IL1RAPL1: variants seen among roughly 807,000 people sequenced by gnomAD.
IL1RAPL1 encodes the protein interleukin 1 receptor accessory protein like 1.
Under a neutral mutation model 48.4 loss-of-function variants are expected in IL1RAPL1, and 3 were observed. That is an observed-to-expected ratio of 0.06 (90% CI 0.03 to 0.16). The LOEUF is 0.16. Ranked by LOEUF, IL1RAPL1 falls within the 10% of genes least tolerant of loss-of-function variation. The probability of loss-of-function intolerance (pLI) is 1.00; values close to 1 mark genes in which losing one functional copy is unlikely to be tolerated. For missense variants in IL1RAPL1, 349 were observed against 530.6 expected, an observed-to-expected ratio of 0.66 and a Z score of 3.36; for synonymous variants, 185 against 187.7, an observed-to-expected ratio of 0.99 and a Z score of 0.12.
chrX:29,737,586 A>G (rs1323213824), intron 6 of IL1RAPL1, among the ~76,000 whole-genome samples: 2 of 112,339 alleles, frequency 1.8e-5, no homozygotes, highest in Admixed American at 1.9e-4. Context: ...GAGATCTTCA[A>G]AATTTTACAC....
At chrX:29,068,120 A>T (rs2147438240) in intron 2 of IL1RAPL1, among the ~76,000 whole-genome samples, 1 of 112,393 alleles carries the variant, frequency 8.9e-6, no homozygotes, top group Admixed American at 9.5e-5. Flanking sequence ...TTGTTTTATT[A>T]AAGTAGATAA....
chrX:28,713,818 A>G (rs1351966937), intron 1 of IL1RAPL1, among the ~76,000 whole-genome samples: 1 of 111,813 alleles, frequency 8.9e-6, no homozygotes, highest in African/African-American at 3.3e-5. Flanking sequence ...ATATGACAAA[A>G]AAAGGTCTGT....
chrX:28,761,074 G>A (rs1170607898), intron 1 of IL1RAPL1, among the ~76,000 whole-genome samples: 2 of 90,511 alleles, frequency 2.2e-5, no homozygotes, highest in Non-Finnish European at 4.3e-5. Context: ...GCAACAGAGC[G>A]AGACTCCTTC....
chrX:29,681,025 G>A (rs1250997475), intron 6 of IL1RAPL1, among the ~76,000 whole-genome samples: 5 of 112,345 alleles, frequency 4.5e-5, no homozygotes, highest in African/African-American at 1.6e-4. Flanking sequence ...TCAACTTCAC[G>A]TAATATGAAT....
intron 2 of IL1RAPL1, among the ~76,000 whole-genome samples, chrX:29,191,250 T>C (rs1602104413): frequency 8.9e-6 from 1 of 112,103 alleles, no homozygotes; most frequent in Non-Finnish European, 1.9e-5. Flanking sequence ...AAAAATTAAA[T>C]AAATAAGCAC....
intron 2 of IL1RAPL1, among the ~76,000 whole-genome samples, chrX:28,881,945 G>A (rs1256039462): frequency 1.8e-5 from 2 of 110,297 alleles, no homozygotes; most frequent in African/African-American, 6.6e-5. Flanking sequence ...AGAAGAGAGA[G>A]ATGGACGGAC....
At chrX:29,404,901 TTTTGTTTG>T (rs1934036102) in intron 5 of IL1RAPL1, among the ~76,000 whole-genome samples, 1 of 77,053 alleles carries the variant, frequency 1.3e-5, no homozygotes, top group Non-Finnish European at 2.8e-5. Context: ...TATAGAATTT[TTTTGTTTG>T]TTTGTTTGTT....
At chrX:29,709,513 T>G (rs1423299428) in intron 6 of IL1RAPL1, among the ~76,000 whole-genome samples, 1 of 111,138 alleles carries the variant, frequency 9.0e-6, no homozygotes, top group Non-Finnish European at 1.9e-5. Context: ...TGTGTCTCTT[T>G]TTTTGTTTTG....
intron 1 of IL1RAPL1, among the ~76,000 whole-genome samples, chrX:28,737,320 G>T (rs186142232): frequency 1.9e-5 from 2 of 104,085 alleles, no homozygotes; most frequent in African/African-American, 7.1e-5. Flanking sequence ...ACAGTGGTGC[G>T]ATCTCGGCTC....
intron 6 of IL1RAPL1, among the ~76,000 whole-genome samples, chrX:29,709,666 A>G (rs1456258460): frequency 2.7e-5 from 3 of 111,402 alleles, no homozygotes; most frequent in Non-Finnish European, 5.7e-5. Flanking sequence ...CTGGTTCCAT[A>G]TGAATTTTAG....
intron 6 of IL1RAPL1, among the ~76,000 whole-genome samples, chrX:29,702,203 G>A (rs949203595): frequency 9.3e-5 from 10 of 107,401 alleles, no homozygotes; most frequent in Non-Finnish European, 7.7e-5. Flanking sequence ...GCAGTGAGCC[G>A]AGATTGCGCC....
At chrX:28,623,716 G>A (rs770036925) in intron 1 of IL1RAPL1, among the ~76,000 whole-genome samples, 4 of 111,882 alleles carry the variant, frequency 3.6e-5, no homozygotes, top group Non-Finnish European at 5.6e-5. Context: ...GTGTCTGAAT[G>A]ACACAACAGA....
intron 6 of IL1RAPL1, among the ~76,000 whole-genome samples, chrX:29,803,456 TATATATGTATATATGTATAC>T (rs1480331552): frequency 5.5e-5 from 5 of 91,353 alleles, no homozygotes; most frequent in Non-Finnish European, 9.0e-5. Flanking sequence ...TATATGTGTG[TATATATGTATATATGTATAC>T]ATATATGTAT....
At chrX:28,646,305 C>G (rs1449126766) in intron 1 of IL1RAPL1, among the ~76,000 whole-genome samples, 2 of 111,969 alleles carry the variant, frequency 1.8e-5, no homozygotes, top group African/African-American at 6.5e-5. Flanking sequence ...AGGCGGAGCT[C>G]AGACTGTAAT....
chrX:29,903,195 AG>A (rs1201809533), intron 6 of IL1RAPL1, among the ~76,000 whole-genome samples: 1 of 109,119 alleles, frequency 9.2e-6, no homozygotes, highest in Non-Finnish European at 1.9e-5. Flanking sequence ...AGAGAGAGAG[AG>A]AGAGAGAGAC....
At chrX:29,799,510 A>G (rs1324129356) in intron 6 of IL1RAPL1, among the ~76,000 whole-genome samples, 1 of 112,645 alleles carries the variant, frequency 8.9e-6, no homozygotes, top group Non-Finnish European at 1.9e-5. Flanking sequence ...TATGCAAAGC[A>G]TTGTTTTACA....
At chrX:29,921,637 G>C (rs1932848953) in intron 8 of IL1RAPL1, among the ~76,000 whole-genome samples, 1 of 112,230 alleles carries the variant, frequency 8.9e-6, no homozygotes, top group Non-Finnish European at 1.9e-5. Context: ...CAACTTAAGT[G>C]TTGTGTAATT....
At chrX:28,902,306 G>C (rs1005558991) in intron 2 of IL1RAPL1, among the ~76,000 whole-genome samples, 12 of 110,894 alleles carry the variant, frequency 1.1e-4, no homozygotes, top group Admixed American at 8.7e-4. Context: ...CAAGTAGCTG[G>C]GACCACAGGT....
chrX:29,263,140 G>T (rs1359158458), intron 2 of IL1RAPL1, among the ~76,000 whole-genome samples: 2 of 111,696 alleles, frequency 1.8e-5, no homozygotes, highest in Non-Finnish European at 3.8e-5. Context: ...GAAACAAATT[G>T]TACTGTATTA....
Sources: gnomAD v4.1 joint callset for allele counts (sites outside exome capture counted in the v4.1 genomes callset) on GRCh38, gnomAD v4.1.1 for gene constraint, MANE v1.5 for transcripts, NCBI Gene and HGNC (gene_info 2026-07-23, HGNC 2026-07-21) for gene names.